CORO1C: variants seen among roughly 807,000 people sequenced by gnomAD.
CORO1C encodes coronin 1C, also known as coronin-1C.
Under a neutral mutation model 51.2 loss-of-function variants are expected in CORO1C, and 14 were observed. The observed-to-expected ratio is 0.27, with a 90% CI of 0.18 to 0.43. The LOEUF (loss-of-function observed/expected upper bound fraction) is 0.43. Among genes scored for constraint, CORO1C ranks in the 20% least tolerant of loss-of-function variants. The pLI is 1.00. For synonymous variants in CORO1C, 181 were observed against 210.5 expected, an observed-to-expected ratio of 0.86 and a Z score of 1.21; for missense variants, 417 against 607.8, an observed-to-expected ratio of 0.69 and a Z score of 3.30.
chr12:108,701,386 A>T (rs2034865214), intron 1 of CORO1C, 63 bp from the exon 2 acceptor site: 10 of 1,607,282 alleles, frequency 6.2e-6, no homozygotes, highest in Non-Finnish European at 8.5e-6. Flanking sequence ...TTACTTTTAC[A>T]AATGAAATGC....
At chr12:108,673,193 G>A (rs745650940) in intron 3 of CORO1C, among the ~76,000 whole-genome samples, 1 of 152,180 alleles carries the variant, frequency 6.6e-6, no homozygotes, top group Non-Finnish European at 1.5e-5. Flanking sequence ...AAAAGTTCAG[G>A]AAATTAAAAG....
intron 2 of CORO1C, among the ~76,000 whole-genome samples, chr12:108,678,878 T>C (rs2034010239): frequency 2.0e-5 from 3 of 151,420 alleles, no homozygotes; most frequent in Non-Finnish European, 2.9e-5. Flanking sequence ...TCCCAGCACT[T>C]TGGGAGGCTG....
chr12:108,708,451 G>A (rs968636156), intron 1 of CORO1C, among the ~76,000 whole-genome samples: 1 of 151,508 alleles, frequency 6.6e-6, no homozygotes. Context: ...GTAGATTCAT[G>A]GTTGCTTAGA....
At chr12:108,674,191 T>C (rs191093541) in intron 3 of CORO1C, among the ~76,000 whole-genome samples, 5 of 152,372 alleles carry the variant, frequency 3.3e-5, no homozygotes, top group Admixed American at 2.0e-4. Flanking sequence ...TCAAATCTTA[T>C]TATTTAAGAA....
At chr12:108,687,021 T>C (rs1393643208) in intron 2 of CORO1C, among the ~76,000 whole-genome samples, 1 of 152,148 alleles carries the variant, frequency 6.6e-6, no homozygotes, top group African/African-American at 2.4e-5. Flanking sequence ...CCGTCCCAGA[T>C]ACAAGCACTA....
chr12:108,648,122 T>C (rs1042065621), intron 10 of CORO1C, among the ~76,000 whole-genome samples: 1 of 152,132 alleles, frequency 6.6e-6, no homozygotes, highest in Non-Finnish European at 1.5e-5. Context: ...TCCCCCTTGT[T>C]GCCAGCCCCA....
At chr12:108,671,439 TAAAG>T (rs916908236) in intron 3 of CORO1C, among the ~76,000 whole-genome samples, 28 of 112,454 alleles carry the variant, frequency 2.5e-4, no homozygotes, top group African/African-American at 8.1e-4. Context: ...GAGCTTCTGA[TAAAG>T]AAAACCAAAG....
intron 3 of CORO1C, among the ~76,000 whole-genome samples, chr12:108,674,207 T>A (rs989180696): frequency 6.6e-6 from 1 of 152,224 alleles, no homozygotes; most frequent in African/African-American, 2.4e-5. Flanking sequence ...AAGAAATACA[T>A]TTCATAAGGC....
chr12:108,649,852 G>T (rs142392542), intron 8 of CORO1C, among the ~76,000 whole-genome samples: 2 of 152,194 alleles, frequency 1.3e-5, no homozygotes, highest in Non-Finnish European at 2.9e-5. Context: ...GGTGTGCAAG[G>T]GGGGAGTTGA....
intron 1 of CORO1C, chr12:108,702,657 A>T (rs2034909459): frequency 1.2e-6 from 1 of 818,172 alleles, no homozygotes; most frequent in South Asian, 2.4e-5. Flanking sequence ...TACAGAGGAG[A>T]GCTAACACCT....
At chr12:108,687,039 C>T (rs2034318298) in intron 2 of CORO1C, among the ~76,000 whole-genome samples, 1 of 152,160 alleles carries the variant, frequency 6.6e-6, no homozygotes, top group Non-Finnish European at 1.5e-5. Context: ...CTATCATTTG[C>T]TTTGGGGAAA....
intron 8 of CORO1C, among the ~76,000 whole-genome samples, chr12:108,649,950 C>A (rs2032565079): frequency 6.6e-6 from 1 of 152,132 alleles, no homozygotes; most frequent in South Asian, 2.1e-4. Flanking sequence ...ATATGCAAAA[C>A]CATTTCTCCT....
chr12:108,708,044 T>C (rs138235183), intron 1 of CORO1C, among the ~76,000 whole-genome samples: 9 of 152,306 alleles, frequency 5.9e-5, no homozygotes, highest in African/African-American at 1.9e-4. Context: ...ATGCAAAATG[T>C]TGCAGCTGAT....
chr12:108,692,706 G>A (rs906541213), intron 2 of CORO1C, among the ~76,000 whole-genome samples: 1 of 151,088 alleles, frequency 6.6e-6, no homozygotes, highest in Non-Finnish European at 1.5e-5. Context: ...CTGACAGAAT[G>A]AAAGCCCTGT....
chr12:108,715,652 G>A (rs982869473), intron 1 of CORO1C, among the ~76,000 whole-genome samples: 2 of 11,176 alleles, frequency 1.8e-4, no homozygotes, highest in East Asian at 7.9e-3. Context: ...CCTCCCCCCC[G>A]CATACTCACA....
chr12:108,665,374 T>G (rs940840464), intron 3 of CORO1C, among the ~76,000 whole-genome samples: 26 of 152,320 alleles, frequency 1.7e-4, no homozygotes, highest in African/African-American at 6.3e-4. Flanking sequence ...ACCTAAGCCA[T>G]TTTACTACCT....
intron 1 of CORO1C, chr12:108,703,082 C>T (rs377765869): frequency 2.1e-5 from 17 of 818,108 alleles, no homozygotes; most frequent in African/African-American, 1.4e-4. Flanking sequence ...AAAAGGAAAG[C>T]ACATCTATAC....
chr12:108,648,488 C>T, intron 10 of CORO1C, 117 bp downstream of exon 10: 1 of 1,386,378 alleles, frequency 7.2e-7, no homozygotes, highest in Admixed American at 2.0e-5. Context: ...TTTTCATTTA[C>T]TGAAAACCCC....
At chr12:108,652,050 C>CTTT (rs2032689876) in intron 8 of CORO1C, 1 of 192,980 alleles carries the variant, frequency 5.2e-6, no homozygotes, top group Non-Finnish European at 9.0e-6. Context: ...AGATTTTTTT[C>CTTT]TTTTCTTTTT....
Sources: gnomAD v4.1 joint callset for allele counts (sites outside exome capture counted in the v4.1 genomes callset) on GRCh38, gnomAD v4.1.1 for gene constraint, MANE v1.5 for transcripts, NCBI Gene and HGNC (gene_info 2026-07-23, HGNC 2026-07-21) for gene names.